The following TSC1 variants were observed in gnomAD, a reference collection of about 807,000 sequenced individuals.
TSC1 encodes the protein hamartin.
A neutral mutation model predicts 124.3 loss-of-function variants in TSC1; 20 were observed. That is an observed-to-expected ratio of 0.16 (90% CI 0.11 to 0.23). The LOEUF (loss-of-function observed/expected upper bound fraction) is 0.23, where lower values mean the gene tolerates loss of function less well. Among genes scored for constraint, TSC1 ranks in the 10% least tolerant of loss-of-function variants. The pLI, the probability that TSC1 is intolerant of heterozygous loss-of-function variation, is 1.00. For missense variants in TSC1, 1,124 were observed against 1,448.5 expected (o/e 0.78, Z 3.64); for synonymous variants, 493 against 539.1 (o/e 0.91, Z 1.19).
At chr9:132,926,079 C>T (rs1846843551) in intron 4 of TSC1, 1 of 354,692 alleles carries the variant, frequency 2.8e-6, no homozygotes, top group African/African-American at 2.1e-5. Context: ...CTGGAAGCAG[C>T]CACTTATTGC....
At chr9:132,913,917 T>TTTTA (rs1564491575) in intron 8 of TSC1, among the ~76,000 whole-genome samples, 21 of 95,576 alleles carry the variant, frequency 2.2e-4, no homozygotes, top group East Asian at 3.4e-4. Flanking sequence ...TTTTTTTTTT[T>TTTTA]AGACAGAGTC....
intron 12 of TSC1, chr9:132,910,330 G>C: frequency 1.6e-6 from 1 of 622,616 alleles, no homozygotes; most frequent in East Asian, 2.8e-5. Flanking sequence ...AAAATCAAGA[G>C]AGTAGGTTTG....
At position 132,893,175 on chromosome 9, in the gene TSC1, C is replaced by T; in HGVS notation, c.*3060G>A. 4.3e-6 allele frequency: 1 copy of T among 233,296 alleles called. No individual in the cohort carries two copies. Among genetic ancestry groups the T allele is most frequent in the Non-Finnish European group, 8.5e-6 (1 of 118,052 alleles). The allele number at this position is 233,296 out of a possible 1,614,324, so 14.5% of individuals were successfully genotyped here. On this transcript the variant is annotated 3_prime_UTR_variant, in exon 23 of 23. Coordinates refer to ENST00000298552, the MANE Select transcript of TSC1 (RefSeq NM_000368.5). ...GTAAGAAGATTCCGCAGCTTAGTCC[C>T]AAAGGTCAGGCAGTTTTCTCTCCTG...
chr9:132,931,890 G>C (rs771155755), intron 2 of TSC1, among the ~76,000 whole-genome samples: 6 of 152,220 alleles, frequency 3.9e-5, no homozygotes, highest in Non-Finnish European at 8.8e-5. Flanking sequence ...GGTGGTGGTA[G>C]TGGTGGATGA....
At chr9:132,900,675 G>A (rs200991607) in intron 20 of TSC1, 40 bp downstream of exon 20, 12 of 1,612,480 alleles carry the variant, frequency 7.4e-6, no homozygotes, top group South Asian at 5.5e-5. Context: ...GGTCTGAAAC[G>A]CTTTCCCCAC....
At position 132,911,467 on chromosome 9, in the gene TSC1, T is replaced by A. The variant is rs570809282; in HGVS notation, c.1015A>T (p.Thr339Ser). 2 of 1,612,858 alleles carry A rather than the reference T, an allele frequency of 1.2e-6. No homozygotes were observed. Among genetic ancestry groups the A allele is most frequent in the Admixed American group, 3.3e-5 (2 of 59,986 alleles). Reference sequence around the variant, plus strand: ...TGACACCATACTTGTGGTGGTTCAGTTATCAGCCGTGTCGATGGGGAACTC... The same window carrying A: ...TGACACCATACTTGTGGTGGTTCAGATATCAGCCGTGTCGATGGGGAACTC... The part of the protein sequence containing the change: ...TLSSPSTRLI[T>S]EPPQATLWSP... The change falls in exon 10 of 23, where the codon ACT becomes TCT. Residue 339 changes from threonine (T) to serine (S), a missense_variant. By Grantham distance (58) the Thr-to-Ser change is moderately conservative. Around this residue, in one of 5 missense-constraint regions of TSC1, gnomAD observed 463 missense variants for 606.8 expected, o/e 0.76. Coordinates refer to ENST00000298552, the MANE Select transcript of TSC1 (RefSeq NM_000368.5).
rs1370247275 is a variant in TSC1, at chr9:132,894,132, G to A, written c.*2103C>T. On this transcript the variant is annotated 3_prime_UTR_variant, in exon 23 of 23. Transcript: ENST00000298552. ...GCCGCATGGATGAGCTGAGGACCCT[G>A]TGCAGACACGTCCATGGAGCTTCTA... The A allele has an allele frequency of 4.3e-6, 1 of 233,512 alleles. No homozygotes were observed. The highest frequency in any genetic ancestry group is 8.5e-6 in the Non-Finnish European group (1 of 117,994). 14.5% of individuals were successfully genotyped at this position (233,512 alleles called of 1,614,324 possible). A position where few individuals can be genotyped will look rare whatever the true frequency, so the allele number is the denominator to read the frequency against.
intron 16 of TSC1, 74 bp downstream of exon 16, chr9:132,904,337 C>A: frequency 6.4e-7 from 1 of 1,555,850 alleles, no homozygotes; most frequent in South Asian, 1.1e-5. Flanking sequence ...AGGGCACCTC[C>A]TTCAAGGACA....
In TSC1 at chr9:132,903,539, G is replaced by T. The variant is rs1482989916; in HGVS notation, c.2208+112C>A. 4 of 1,487,854 alleles carry T rather than the reference G, an allele frequency of 2.7e-6. No homozygotes were observed. In the Admixed American group the frequency reaches 5.0e-5, roughly 19 times the overall value. The allele number at this position is 1,487,854 out of a possible 1,614,324, so 92.2% of individuals were successfully genotyped here. A position where few individuals can be genotyped will look rare whatever the true frequency, so the allele number is the denominator to read the frequency against. On this transcript the variant is annotated intron_variant, in intron 17 of 22. Coordinates refer to ENST00000298552, the MANE Select transcript of TSC1 (RefSeq NM_000368.5). The surrounding 1 kb of genome is among the most constrained non-coding windows in gnomAD (Gnocchi z 5.9). ...AATCTCAAGCGACCTGCCCAAAGGA[G>T]TGGGAAGGACTGGGAACTCTGACCT...
intron 13 of TSC1, 103 bp downstream of exon 13, chr9:132,907,198 G>T: frequency 1.0e-6 from 1 of 953,574 alleles, no homozygotes; most frequent in Non-Finnish European, 1.7e-6. Context: ...CAGTATTTTG[G>T]ATATCCCAGA....
At chr9:132,932,133 T>C (rs1847234557) in intron 2 of TSC1, among the ~76,000 whole-genome samples, 1 of 152,230 alleles carries the variant, frequency 6.6e-6, no homozygotes, top group Non-Finnish European at 1.5e-5. Flanking sequence ...GCTAAAGCAA[T>C]ATTCCATTTA....
At chr9:132,926,179 CG>C (rs1243296871) in intron 4 of TSC1, 1 of 217,256 alleles carries the variant, frequency 4.6e-6, no homozygotes, top group African/African-American at 2.3e-5. Flanking sequence ...AAAAACAAGA[CG>C]GGCCAGGCGC....
intron 20 of TSC1, 157 bp downstream of exon 20, chr9:132,900,558 G>T: frequency 8.1e-7 from 1 of 1,236,012 alleles, no homozygotes; most frequent in East Asian, 2.4e-5. Context: ...ATGGTGGCTG[G>T]AAAGTGCTTG....
At chr9:132,917,307 C>T (rs1846313808) in intron 8 of TSC1, among the ~76,000 whole-genome samples, 1 of 151,952 alleles carries the variant, frequency 6.6e-6, no homozygotes, top group African/African-American at 2.4e-5. Flanking sequence ...ATTTCTTTCA[C>T]AATTTCTTCC....
At chr9:132,936,996 G>A (rs1273760233) in intron 1 of TSC1, among the ~76,000 whole-genome samples, 1 of 152,220 alleles carries the variant, frequency 6.6e-6, no homozygotes, top group Non-Finnish European at 1.5e-5. Context: ...ACACATTCCA[G>A]ACATTAAACT....
chr9:132,902,891 A>G lies in TSC1; in HGVS notation c.2209-104T>C, dbSNP rs1283307231. ...TGAATAGTCATAAGCTACCCTGAAA[A>G]TGTAACTAACTACAGACCAAAACTC... On this transcript the variant is annotated intron_variant, in intron 17 of 22. Coordinates refer to ENST00000298552, the MANE Select transcript of TSC1 (RefSeq NM_000368.5). This position sits in a 1 kb window ranked among gnomAD's most constrained non-coding sequence, Gnocchi z 5.2. 1.2e-4 allele frequency: 180 copies of G among 1,450,878 alleles called. No individual in the cohort carries two copies. The highest frequency in any genetic ancestry group is 1.5e-5 in the Non-Finnish European group (16 of 1,043,112). The allele number at this position is 1,450,878 out of a possible 1,614,324, so 89.9% of individuals were successfully genotyped here.
At position 132,911,624 on chromosome 9, in the gene TSC1, T is replaced by A; in HGVS notation, c.914-56A>T. 3 of 301,834 alleles carry A rather than the reference T, an allele frequency of 9.9e-6. No homozygotes were observed. In the South Asian group the frequency reaches 1.4e-4, roughly 14 times the overall value. 18.7% of individuals were successfully genotyped at this position (301,834 alleles called of 1,614,324 possible). On this transcript the variant is annotated intron_variant, in intron 9 of 22. Coordinates refer to ENST00000298552, the MANE Select transcript of TSC1 (RefSeq NM_000368.5). ...AGTGTGTGGTTTTAGGTTATTCTGG[T>A]TAAAAAAAAAAAAAAAAAAAAAAAA... is the stretch of plus-strand genomic sequence containing the variant.
rs75820036 is a variant in TSC1, at chr9:132,905,618, G to T, written c.1960C>A (p.Gln654Lys). The change falls in exon 15 of 23, where the codon CAG becomes AAG. Residue 654 changes from glutamine (Q) to lysine (K), a missense_variant. This residue lies in a region of TSC1 where 321 missense variants were observed against 397.4 expected (regional missense o/e 0.81). Transcript: ENST00000298552. ...TTGCTGTGCGCGTCTGCTCCCTGCT[G>T]TATCAGTCTGTCCAGCACTTCCATT... ...SPMEVLDRLI[Q>K]QGADAHSKEL... 2 of 1,614,218 alleles carry T rather than the reference G, an allele frequency of 1.2e-6. No homozygotes were observed. Among genetic ancestry groups the T allele is most frequent in the Non-Finnish European group, 8.5e-7 (1 of 1,180,042 alleles).
intron 20 of TSC1, 78 bp from the exon 21 acceptor site, chr9:132,897,688 T>C: frequency 1.3e-6 from 2 of 1,543,206 alleles, no homozygotes; most frequent in South Asian, 1.2e-5. Context: ...GAAAAGACAA[T>C]GTAAGAAGGA....
Sources: gnomAD v4.1 joint callset for allele counts (sites outside exome capture counted in the v4.1 genomes callset) on GRCh38, gnomAD v4.1.1 for gene constraint, gnomAD v4.1.1 regional missense constraint, Gnocchi (gnomAD v3.1) non-coding constraint, MANE v1.5 for transcripts, NCBI Gene and HGNC (gene_info 2026-07-23, HGNC 2026-07-21) for gene names.